Variants in GPSM1 observed in about 807,000 individuals in gnomAD.
GPSM1 encodes G protein-signaling modulator 1.
A neutral mutation model predicts 70.5 loss-of-function variants in GPSM1; 48 were observed. The observed-to-expected ratio is 0.68, with a 90% confidence interval of 0.54 to 0.87. The LOEUF is 0.87. Ranked by LOEUF, GPSM1 falls within the 40% of genes least tolerant of loss-of-function variation. The pLI is 0.00. For missense variants in GPSM1, 981 were observed against 972.6 expected (o/e 1.01, Z -0.11); for synonymous variants, 416 against 430.1 (o/e 0.97, Z 0.41).
intron 11 of GPSM1, chr9:136,353,171 C>G (rs1832718195): frequency 1.1e-6 from 1 of 944,284 alleles, no homozygotes; most frequent in Admixed American, 6.2e-5. Flanking sequence ...TCTGGGGTCC[C>G]TGGGGTCCTA....
At position 136,341,024 on chromosome 9, in the gene GPSM1, T is replaced by G; in HGVS notation, c.1207+31T>G. The G allele has an allele frequency of 6.4e-7, 1 of 1,563,002 alleles. No individual in the cohort carries two copies. The highest frequency in any genetic ancestry group is 8.7e-7 in the Non-Finnish European group (1 of 1,154,166). On this transcript the variant is annotated intron_variant, in intron 9 of 13. Coordinates refer to ENST00000440944, the MANE Select transcript of GPSM1 (RefSeq NM_001145638.3). This position sits in a 1 kb window ranked among gnomAD's most constrained non-coding sequence, Gnocchi z 6.7. Reference sequence around the variant, plus strand: ...TTCCAGGGTTGTGGGGGGGTCTTGCTCCCCACAGGCACGGACCGCATCAGG... The same window carrying G: ...TTCCAGGGTTGTGGGGGGGTCTTGCGCCCCACAGGCACGGACCGCATCAGG...
intron 9 of GPSM1, among the ~76,000 whole-genome samples, chr9:136,344,432 G>A (rs1169237088): frequency 6.6e-6 from 1 of 152,224 alleles, no homozygotes; most frequent in Non-Finnish European, 1.5e-5. Context: ...GTGCTCGGGT[G>A]CTGGCGAGAG....
rs782509000 is a variant in GPSM1 at position 136,356,517 on chromosome 9, G to A, written c.1788G>A (p.Gly596=). Residue 596 remains glycine (G), a synonymous_variant, in exon 13 of 14, where the codon GGG becomes GGA. Coordinates refer to ENST00000440944, the MANE Select transcript of GPSM1 (RefSeq NM_001145638.3). ...GCCACGGCGAGCCCCAGGAGCCGGG[G>A]GACGACTTCTTCAACATGCTCATCA... ...LRGHGEPQEP[G]DDFFNMLIKY... is the part of the protein sequence containing the mutation. 1.7e-5 allele frequency: 27 copies of A among 1,611,814 alleles called. No individual in the cohort carries two copies. The highest frequency in any genetic ancestry group is 1.9e-5 in the Non-Finnish European group (22 of 1,179,246).
At chr9:136,328,607 C>A (rs1554768206) in intron 1 of GPSM1, among the ~76,000 whole-genome samples, 1 of 152,202 alleles carries the variant, frequency 6.6e-6, no homozygotes, top group Non-Finnish European at 1.5e-5. Flanking sequence ...TAGCCTGGCC[C>A]CCAAGGATTC....
In GPSM1 at chr9:136,358,070, T is replaced by A; in HGVS notation, c.1878T>A (p.Pro626=). Residue 626 remains proline, a synonymous_variant, in exon 14 of 14, where the codon CCT becomes CCA. Transcript: ENST00000440944. ...CPPPDVLPRG[P]TMPDEDFFSL... The stretch of plus-strand genomic sequence containing the variant: ...CACCTGACGTACTGCCCCGGGGCCC[T>A]ACCATGCCGGACGAGGACTTCTTCA... 1.2e-6 allele frequency: 2 copies of A among 1,612,700 alleles called. No homozygotes were observed. Among genetic ancestry groups the A allele is most frequent in the Non-Finnish European group, 1.7e-6 (2 of 1,179,788 alleles).
In GPSM1 at chr9:136,341,291, C is replaced by T; in HGVS notation, c.1207+298C>T. The T allele has an allele frequency of 6.8e-7, 1 of 1,463,806 alleles. No individual in the cohort carries two copies. Among genetic ancestry groups the T allele is most frequent in the South Asian group, 1.4e-5 (1 of 70,242 alleles). The allele number at this position is 1,463,806 out of a possible 1,614,324, so 90.7% of individuals were successfully genotyped here. A position where few individuals can be genotyped will look rare whatever the true frequency, so the allele number is the denominator to read the frequency against. ...TCCACCCCCACCTCCCCCTGGAGCCCTCGGTGCAGGGAGGGCTTCTGTCCT... is the reference window on the plus strand; with the variant it reads ...TCCACCCCCACCTCCCCCTGGAGCCTTCGGTGCAGGGAGGGCTTCTGTCCT... On this transcript the variant is annotated intron_variant, in intron 9 of 13. Coordinates refer to ENST00000440944, the MANE Select transcript of GPSM1 (RefSeq NM_001145638.3). The surrounding 1 kb of genome is among the most constrained non-coding windows in gnomAD (Gnocchi z 6.7).
At chr9:136,333,532 G>T (rs894003993) in intron 1 of GPSM1, among the ~76,000 whole-genome samples, 1 of 152,230 alleles carries the variant, frequency 6.6e-6, no homozygotes, top group African/African-American at 2.4e-5. Context: ...GTGCTTGGGG[G>T]TTGTGCAGGG....
Position 136,358,579 on chromosome 9 carries a change from C to G in GPSM1, c.*359C>G. On this transcript the variant is annotated 3_prime_UTR_variant, in exon 14 of 14. Transcript: ENST00000440944. ...GTGAAACCCTGCTGTCTCCCCCACC[C>G]TCCCCAAAGGTGTCTCTGAGCCGCC... The G allele has an allele frequency of 2.5e-6, 1 of 404,242 alleles. No homozygotes were observed. The allele number at this position is 404,242 out of a possible 1,614,324, so 25.0% of individuals were successfully genotyped here. A position where few individuals can be genotyped will look rare whatever the true frequency, so the allele number is the denominator to read the frequency against.
At chr9:136,353,976 C>A (rs1832742344) in intron 11 of GPSM1, among the ~76,000 whole-genome samples, 1 of 152,206 alleles carries the variant, frequency 6.6e-6, no homozygotes, top group African/African-American at 2.4e-5. Flanking sequence ...ATTCTCCCCT[C>A]CCTCCTGGCT....
chr9:136,331,117 G>A (rs1308856514), intron 1 of GPSM1, among the ~76,000 whole-genome samples: 1 of 152,184 alleles, frequency 6.6e-6, no homozygotes, highest in Admixed American at 6.5e-5. Context: ...TGGGCCACAG[G>A]TGGCTGGAGA....
chr9:136,328,255 C>A (rs139810335), intron 1 of GPSM1, among the ~76,000 whole-genome samples: 1 of 152,350 alleles, frequency 6.6e-6, no homozygotes, highest in Non-Finnish European at 1.5e-5. Flanking sequence ...CGGGCACATT[C>A]CTGGGTGATC....
Position 136,327,657 on chromosome 9 carries a change from G to A in GPSM1, c.-39G>A, listed in dbSNP as rs1294269635. The stretch of plus-strand genomic sequence containing the variant: ...GGCAGGGGGCGGACGGCCACGGCGC[G>A]GGGGGCGCTCCCGGCTCCCGCTCCC... On this transcript the variant is annotated 5_prime_UTR_variant, in exon 1 of 14. Transcript: ENST00000440944. 2 of 780,422 alleles carry A rather than the reference G, an allele frequency of 2.6e-6. No homozygotes were observed. The highest frequency in any genetic ancestry group is 3.2e-6 in the Non-Finnish European group (2 of 623,864). The allele number at this position is 780,422 out of a possible 1,614,324, so 48.3% of individuals were successfully genotyped here. A position where few individuals can be genotyped will look rare whatever the true frequency, so the allele number is the denominator to read the frequency against.
chr9:136,336,782 C>A, intron 3 of GPSM1, 139 bp from the exon 4 acceptor site: 1 of 827,012 alleles, frequency 1.2e-6, no homozygotes, highest in Non-Finnish European at 1.9e-6. Flanking sequence ...CCGCCCCTGC[C>A]TTAGTGTCTG....
chr9:136,354,115 G>A (rs951742591), intron 11 of GPSM1, among the ~76,000 whole-genome samples: 2 of 152,212 alleles, frequency 1.3e-5, no homozygotes, highest in Admixed American at 6.5e-5. Context: ...AGGTACCTCA[G>A]GCTTCCGTGA....
At position 136,343,319 on chromosome 9, in the gene GPSM1, G is replaced by A. The variant is rs530183146; in HGVS notation, c.1207+2326G>A. 6.6e-5 allele frequency among the ~76,000 whole-genome samples: 10 copies of A among 152,180 alleles called. No homozygotes were observed. In the East Asian group the frequency reaches 1.5e-3, roughly 24 times the overall value. On this transcript the variant is annotated intron_variant, in intron 9 of 13. Coordinates refer to ENST00000440944, the MANE Select transcript of GPSM1 (RefSeq NM_001145638.3). This position sits in a 1 kb window ranked among gnomAD's most constrained non-coding sequence, Gnocchi z 6.0. ...GAGGCTCTGCTGCCACTCTTGGTGC[G>A]GGCAGCATGATTGGCATGTTGGGAG...
chr9:136,357,987 G>A, intron 13 of GPSM1, 27 bp from the exon 14 acceptor site: 1 of 1,592,220 alleles, frequency 6.3e-7, no homozygotes. Context: ...GGGGGGTGAG[G>A]CCGCCAACTG....
chr9:136,354,914 C>G, intron 11 of GPSM1: 1 of 1,022,188 alleles, frequency 9.8e-7, no homozygotes, highest in South Asian at 3.4e-5. Flanking sequence ...GGGAAGTGTT[C>G]CAGGCCAAGG....
rs534732430 is a variant in GPSM1, at chr9:136,340,624, G to C, written c.1084-246G>C. On this transcript the variant is annotated intron_variant, in intron 8 of 13. Transcript: ENST00000440944. The surrounding 1 kb of genome is among the most constrained non-coding windows in gnomAD (Gnocchi z 7.3). ...CAGGCCCAACCGCCTGGGACCCCAA[G>C]CATCTCTGGGGTGAACTAGGGGCTG... Among the ~76,000 whole-genome samples, 1 of 152,172 alleles carries C rather than the reference G, an allele frequency of 6.6e-6. No homozygotes were observed. The highest frequency in any genetic ancestry group is 2.1e-4 in the South Asian group (1 of 4,818).
At chr9:136,357,061 C>A (rs1430022953) in intron 13 of GPSM1, among the ~76,000 whole-genome samples, 1 of 152,190 alleles carries the variant, frequency 6.6e-6, no homozygotes, top group African/African-American at 2.4e-5. Flanking sequence ...AGAGCCAGGG[C>A]CGGGGCTCCA....
Sources: allele counts gnomAD v4.1 joint callset (sites outside exome capture counted in the v4.1 genomes callset), GRCh38; gene constraint gnomAD v4.1.1; non-coding constraint Gnocchi (gnomAD v3.1); transcripts MANE v1.5; gene names NCBI Gene and HGNC (gene_info 2026-07-23, HGNC 2026-07-21).